The following UBE2D3 variants were observed in gnomAD, a reference collection of about 807,000 sequenced individuals.
UBE2D3 encodes ubiquitin conjugating enzyme E2 D3.
UBE2D3 carries 2 observed loss-of-function variants against 22.8 expected under a neutral mutation model. The ratio of observed to expected loss-of-function variants is 0.09; its 90% confidence interval spans 0.04 to 0.28. The LOEUF (loss-of-function observed/expected upper bound fraction) is 0.28, where lower values mean the gene tolerates loss of function less well. UBE2D3 is among the 10% of genes least tolerant of loss of function. The pLI, the probability that UBE2D3 is intolerant of heterozygous loss-of-function variation, is 1.00. For missense variants in UBE2D3, 27 were observed against 182.5 expected (o/e 0.15, Z 4.91); for synonymous variants, 56 against 60.4 (o/e 0.93, Z 0.34).
chr4:102,818,511 T>C (rs551858331), intron 2 of UBE2D3, among the ~76,000 whole-genome samples: 30 of 152,356 alleles, frequency 2.0e-4, no homozygotes, highest in African/African-American at 6.7e-4. Context: ...AGCTCTCACA[T>C]GGTCTAGTTC....
chr4:102,821,338 G>A (rs1273107517), intron 2 of UBE2D3, among the ~76,000 whole-genome samples: 1 of 151,952 alleles, frequency 6.6e-6, no homozygotes, highest in Non-Finnish European at 1.5e-5. Context: ...TAATATTCTT[G>A]AAAGGTAAAT....
intron 2 of UBE2D3, chr4:102,825,309 C>CT: frequency 1.0e-6 from 1 of 988,720 alleles, no homozygotes; most frequent in Non-Finnish European, 1.2e-6. Context: ...GCTGTAAACA[C>CT]TCCACCCTCT....
At position 102,797,345 on chromosome 4, in the gene UBE2D3, A is replaced by G. The variant is rs1725370746; in HGVS notation, c.*70T>C. On this transcript the variant is annotated 3_prime_UTR_variant, in exon 8 of 8. Transcript: ENST00000453744. Reference sequence around the variant, plus strand: ...GATAGGGGAGCAGCCGGATAAGAAAATCAAAAAAGGAACAGTAATTTAAAG... The same window carrying G: ...GATAGGGGAGCAGCCGGATAAGAAAGTCAAAAAAGGAACAGTAATTTAAAG... The G allele has an allele frequency of 1.4e-6, 2 of 1,386,416 alleles. No homozygotes were observed. Among genetic ancestry groups the G allele is most frequent in the Non-Finnish European group, 2.0e-6 (2 of 1,006,020 alleles). The allele number at this position is 1,386,416 out of a possible 1,614,324, so 85.9% of individuals were successfully genotyped here. A position where few individuals can be genotyped will look rare whatever the true frequency, so the allele number is the denominator to read the frequency against.
Position 102,854,651 on chromosome 4 carries a change from ATCTT to A in UBE2D3, c.-129+14060_-129+14063del, listed in dbSNP as rs745850980. The stretch of plus-strand genomic sequence containing the variant: ...CTTTTTATTAGTTTTAGCATGGCAG[ATCTT>A]TCTTTATTTACTTTTCACCTATCTA... On this transcript the variant is annotated intron_variant, in intron 1 of 7. Transcript: ENST00000338145. Among the ~76,000 whole-genome samples, 7 of 152,178 alleles carry A rather than the reference ATCTT, an allele frequency of 4.6e-5. 1 individual carries two copies. The South Asian group carries it at 8.3e-4, about 18-fold the overall frequency.
intron 2 of UBE2D3, among the ~76,000 whole-genome samples, chr4:102,817,683 G>A (rs944200416): frequency 1.3e-5 from 2 of 152,080 alleles, no homozygotes; most frequent in African/African-American, 2.4e-5. Flanking sequence ...GAAAACTAAT[G>A]TTTTCCTTAG....
In UBE2D3 at chr4:102,802,642, T is replaced by C. The variant is rs1401334327; in HGVS notation, c.121-4A>G. ...CGCCTTGATATGGGCTGTCATTCTG[T>C]AAAAAGAAAAGTATGCTTAACTCAA... On this transcript the variant is annotated splice_polypyrimidine_tract_variant and splice_region_variant and intron_variant, in intron 4 of 7. Transcript: ENST00000453744. 9.5e-6 allele frequency: 15 copies of C among 1,586,864 alleles called. No individual in the cohort carries two copies. The highest frequency in any genetic ancestry group is 1.2e-5 in the Non-Finnish European group (14 of 1,166,768).
intron 1 of UBE2D3, among the ~76,000 whole-genome samples, chr4:102,840,843 A>G (rs568240907): frequency 6.6e-6 from 1 of 152,194 alleles, no homozygotes; most frequent in East Asian, 1.9e-4. Context: ...GATTTTTTTA[A>G]AAGTATAGCA....
At chr4:102,849,884 CTG>C (rs111990586) in intron 1 of UBE2D3, among the ~76,000 whole-genome samples, 1,814 of 152,276 alleles carry the variant, frequency 0.012, 21 homozygotes, top group African/African-American at 0.036. Context: ...ACTTGGAAAA[CTG>C]TCATTCTTTA....
chr4:102,817,230 G>T (rs538505792), intron 2 of UBE2D3, among the ~76,000 whole-genome samples: 1 of 152,298 alleles, frequency 6.6e-6, no homozygotes, highest in East Asian at 1.9e-4. Context: ...AAAAAGGCAG[G>T]TTATGACTTG....
chr4:102,862,079 A>G (rs1732925696), intron 1 of UBE2D3, among the ~76,000 whole-genome samples: 1 of 151,874 alleles, frequency 6.6e-6, no homozygotes, highest in Admixed American at 6.6e-5. Context: ...TAGTACCACA[A>G]AGTGTTATGG....
In UBE2D3 at chr4:102,834,475, G is replaced by A. The variant is rs1183626518; in HGVS notation, c.-128-7839C>T. 2.0e-5 allele frequency among the ~76,000 whole-genome samples: 3 copies of A among 152,256 alleles called. No homozygotes were observed. The East Asian group carries it at 5.8e-4, about 30-fold the overall frequency. The stretch of plus-strand genomic sequence containing the variant: ...AAAGTCACAAGATTGAGGGCCGGGT[G>A]TGGTGGTACATAGCTGTAATCCCAG... On this transcript the variant is annotated intron_variant, in intron 1 of 7. Transcript: ENST00000338145.
intron 2 of UBE2D3, among the ~76,000 whole-genome samples, chr4:102,822,633 A>G (rs891947641): frequency 6.6e-6 from 1 of 152,218 alleles, no homozygotes; most frequent in Non-Finnish European, 1.5e-5. Flanking sequence ...CACATACATT[A>G]TAAAACAGGA....
intron 1 of UBE2D3, among the ~76,000 whole-genome samples, chr4:102,845,655 T>G (rs972284755): frequency 6.6e-6 from 1 of 152,208 alleles, no homozygotes; most frequent in Non-Finnish European, 1.5e-5. Context: ...GGTAGGTTAC[T>G]TTATTATATT....
At chr4:102,851,996 T>C (rs1025329170) in intron 1 of UBE2D3, among the ~76,000 whole-genome samples, 13 of 152,078 alleles carry the variant, frequency 8.5e-5, no homozygotes, top group Admixed American at 5.9e-4. Flanking sequence ...GCTGGGTACA[T>C]TGCTACATGG....
upstream of UBE2D3, among the ~76,000 whole-genome samples, chr4:102,831,447 A>G (rs533967406): frequency 2.0e-5 from 3 of 152,354 alleles, no homozygotes; most frequent in Admixed American, 6.5e-5. Flanking sequence ...ACACAAAAAC[A>G]TATATATACA....
chr4:102,833,165 A>G (rs778217273), intron 1 of UBE2D3, among the ~76,000 whole-genome samples: 1 of 151,548 alleles, frequency 6.6e-6, no homozygotes, highest in Non-Finnish European at 1.5e-5. Context: ...TTGCAAATCA[A>G]ATCTCCTCTT....
chr4:102,843,829 A>G (rs1014447080), intron 1 of UBE2D3: 24 of 152,286 alleles, frequency 1.6e-4, no homozygotes, highest in Admixed American at 1.5e-3. Context: ...TGGAATAACA[A>G]AAGACCATCA....
At chr4:102,827,218 C>T (rs1213669124) in intron 1 of UBE2D3, 30 of 984,376 alleles carry the variant, frequency 3.0e-5, no homozygotes, top group Non-Finnish European at 3.5e-5. Context: ...CGCGCTGTCC[C>T]TGAGGCTCCG....
chr4:102,868,072 CTTTT>C (rs11418599), intron 1 of UBE2D3, among the ~76,000 whole-genome samples: 3 of 115,272 alleles, frequency 2.6e-5, no homozygotes, highest in Non-Finnish European at 3.3e-5. Context: ...GCTTTAGATT[CTTTT>C]TTTTTTTTTT....
Sources: gnomAD v4.1 joint callset for allele counts (sites outside exome capture counted in the v4.1 genomes callset) on GRCh38, gnomAD v4.1.1 for gene constraint, MANE v1.5 for transcripts, NCBI Gene and HGNC (gene_info 2026-07-23, HGNC 2026-07-21) for gene names.